PCDHGA7: variants seen among roughly 807,000 people sequenced by gnomAD.
The protein encoded by PCDHGA7 is protocadherin gamma subfamily A, 7, also known as protocadherin gamma-A7.
In PCDHGA7, 44 loss-of-function variants were observed where a neutral mutation model predicts 58.3. That is an observed-to-expected ratio of 0.75 (90% CI 0.59 to 0.97). The LOEUF is 0.97. Among genes scored for constraint, PCDHGA7 ranks in the 50% least tolerant of loss-of-function variants. The pLI is 0.00. For missense variants in PCDHGA7, 1,266 were observed against 1,188.7 expected (o/e 1.06, Z -0.96); for synonymous variants, 516 against 504.2 (o/e 1.02, Z -0.31).
intron 1 of PCDHGA7, chr5:141,428,180 C>G (rs780780274): frequency 1.3e-6 from 2 of 1,486,274 alleles, no homozygotes; most frequent in East Asian, 2.3e-5. Flanking sequence ...TGACGGAGGA[C>G]AGCCGCCGCT....
At chr5:141,408,816 A>T in intron 1 of PCDHGA7, 1 of 1,613,562 alleles carries the variant, frequency 6.2e-7, no homozygotes, top group East Asian at 2.2e-5. Flanking sequence ...CGGGAAGAAC[A>T]GAGATCTCAT....
Position 141,476,645 on chromosome 5 carries a change from A to C in PCDHGA7, c.2425-18162A>C. 1 of 1,614,246 alleles carries C rather than the reference A, an allele frequency of 6.2e-7. No homozygotes were observed. The highest frequency in any genetic ancestry group is 8.5e-7 in the Non-Finnish European group (1 of 1,180,052). On this transcript the variant is annotated intron_variant, in intron 1 of 3. Coordinates refer to ENST00000518325, the MANE Select transcript of PCDHGA7 (RefSeq NM_018920.4). The surrounding 1 kb of genome is among the most constrained non-coding windows in gnomAD (Gnocchi z 7.6). ...TTTACAAACCTATGAGCTGAGCCGA[A>C]ATGAATACTTTGCGCTTCGCGTGCA...
intron 1 of PCDHGA7, among the ~76,000 whole-genome samples, chr5:141,488,839 G>A (rs954244872): frequency 2.6e-5 from 4 of 152,206 alleles, no homozygotes; most frequent in African/African-American, 9.6e-5. Flanking sequence ...CAAGGGGGCT[G>A]AATCAACCTG....
intron 1 of PCDHGA7, chr5:141,394,336 A>G (rs1205005872): frequency 1.9e-6 from 3 of 1,613,704 alleles, no homozygotes; most frequent in Non-Finnish European, 1.7e-6. Context: ...ATCTCCATCA[A>G]CTCTGACACC....
chr5:141,430,534 C>CT (rs962032641), intron 1 of PCDHGA7: 2 of 381,726 alleles, frequency 5.2e-6, no homozygotes, highest in Non-Finnish European at 9.2e-6. Context: ...GGTTAGGACT[C>CT]TGAGCGCCGC....
chr5:141,497,831 C>T (rs1336808833), intron 2 of PCDHGA7, among the ~76,000 whole-genome samples: 1 of 152,162 alleles, frequency 6.6e-6, no homozygotes, highest in Non-Finnish European at 1.5e-5. Flanking sequence ...TGATCGCCCC[C>T]GGCCACAACA....
intron 1 of PCDHGA7, chr5:141,399,489 A>G (rs764497801): frequency 2.5e-6 from 4 of 1,614,008 alleles, no homozygotes; most frequent in South Asian, 1.1e-5. Context: ...CGTCCTACTT[A>G]GTCAGTGTAC....
At chr5:141,415,416 G>C (rs747598923) in intron 1 of PCDHGA7, 3 of 1,614,220 alleles carry the variant, frequency 1.9e-6, no homozygotes, top group Non-Finnish European at 2.5e-6. Flanking sequence ...TTGTGGGCGT[G>C]GACGGGGTTC....
intron 2 of PCDHGA7, among the ~76,000 whole-genome samples, chr5:141,496,391 A>G (rs1473991011): frequency 1.3e-5 from 2 of 151,930 alleles, no homozygotes; most frequent in Admixed American, 6.6e-5. Flanking sequence ...ACCTTACCCT[A>G]CCTCCTCAAT....
intron 1 of PCDHGA7, among the ~76,000 whole-genome samples, chr5:141,444,982 A>G (rs10066383): frequency 7.1e-4 from 108 of 152,272 alleles, no homozygotes; most frequent in African/African-American, 2.5e-3. Flanking sequence ...ATCCATGAAC[A>G]TGGTATATAT....
intron 1 of PCDHGA7, chr5:141,395,097 G>C (rs376460647): frequency 1.9e-6 from 3 of 1,614,158 alleles, no homozygotes; most frequent in Non-Finnish European, 2.5e-6. Flanking sequence ...CCTCACCGCC[G>C]ACTCGCGGAA....
intron 1 of PCDHGA7, chr5:141,407,994 C>T (rs1449634415): frequency 1.0e-5 from 9 of 858,436 alleles, no homozygotes; most frequent in African/African-American, 1.7e-5. Flanking sequence ...CAGCCTCTGG[C>T]CTGGGATTCC....
At position 141,487,235 on chromosome 5, in the gene PCDHGA7, C is replaced by A. The variant is rs752316565; in HGVS notation, c.2425-7572C>A. ...TTCAGCTCCAAGGGAAGGAGAATCT[C>A]GTCTAACCCTCTACTTGGCTGTGTC... On this transcript the variant is annotated intron_variant, in intron 1 of 3. Coordinates refer to ENST00000518325, the MANE Select transcript of PCDHGA7 (RefSeq NM_018920.4). This position sits in a 1 kb window ranked among gnomAD's most constrained non-coding sequence, Gnocchi z 5.0. 11 of 1,614,126 alleles carry A rather than the reference C, an allele frequency of 6.8e-6. No homozygotes were observed. The highest frequency in any genetic ancestry group is 7.6e-6 in the Non-Finnish European group (9 of 1,179,994).
intron 1 of PCDHGA7, chr5:141,394,201 A>G (rs764975219): frequency 2.5e-6 from 4 of 1,613,874 alleles, no homozygotes; most frequent in Admixed American, 1.7e-5. Context: ...TATATCCTAG[A>G]GAACAACCTG....
At chr5:141,393,527 T>A in intron 1 of PCDHGA7, 10 of 1,613,990 alleles carry the variant, frequency 6.2e-6, no homozygotes, top group Non-Finnish European at 6.8e-6. Context: ...CAAATGACAA[T>A]GCCCCGGTTT....
At position 141,419,408 on chromosome 5, in the gene PCDHGA7, C is replaced by T. The variant is rs534591654; in HGVS notation, c.2424+34085C>T. On this transcript the variant is annotated intron_variant, in intron 1 of 3. Coordinates refer to ENST00000518325, the MANE Select transcript of PCDHGA7 (RefSeq NM_018920.4). ...CGCGCAGAGCGGGGTGGTGTTCGCG[C>T]AGCGCGCCTTCGACCACGAGCAGCT... 6.2e-6 allele frequency: 10 copies of T among 1,613,508 alleles called. No individual in the cohort carries two copies. The African/African-American group carries it at 1.3e-4, about 21-fold the overall frequency.
At chr5:141,454,666 A>G (rs1561955978) in intron 1 of PCDHGA7, among the ~76,000 whole-genome samples, 1 of 152,104 alleles carries the variant, frequency 6.6e-6, no homozygotes, top group Non-Finnish European at 1.5e-5. Context: ...TCGGCCTCCC[A>G]AAACACTGGG....
chr5:141,438,231 TG>T (rs987686126), intron 1 of PCDHGA7, among the ~76,000 whole-genome samples: 1 of 152,082 alleles, frequency 6.6e-6, no homozygotes, highest in African/African-American at 2.4e-5. Context: ...TTCAGGAAAA[TG>T]TTTTTAAAAA....
At chr5:141,478,870 G>A (rs1463992722) in intron 1 of PCDHGA7, 6 of 1,273,242 alleles carry the variant, frequency 4.7e-6, no homozygotes, top group Non-Finnish European at 5.2e-6. Flanking sequence ...AGCGATCAGA[G>A]TTTAGCTTGG....
Sources: allele counts gnomAD v4.1 joint callset (sites outside exome capture counted in the v4.1 genomes callset), GRCh38; gene constraint gnomAD v4.1.1; non-coding constraint Gnocchi (gnomAD v3.1); transcripts MANE v1.5; gene names NCBI Gene and HGNC (gene_info 2026-07-23, HGNC 2026-07-21).